The following TRIM26 variants were observed in gnomAD, a reference collection of about 807,000 sequenced individuals.
TRIM26 encodes the protein tripartite motif-containing protein 26.
A neutral mutation model predicts 45.5 loss-of-function variants in TRIM26; 16 were observed. That is an observed-to-expected ratio of 0.35 (90% CI 0.24 to 0.53). TRIM26 has a LOEUF of 0.53. Among genes scored for constraint, TRIM26 ranks in the 20% least tolerant of loss-of-function variants. The probability of loss-of-function intolerance (pLI) is 0.92; values close to 1 mark genes in which losing one functional copy is unlikely to be tolerated. For synonymous variants in TRIM26, 273 were observed against 290.4 expected (o/e 0.94, Z 0.61); for missense variants, 442 against 691.1 (o/e 0.64, Z 4.04).
chr6:30,189,216 A>G lies in TRIM26; in HGVS notation c.905-17T>C. 1 of 1,613,068 alleles carries G rather than the reference A, an allele frequency of 6.2e-7. No individual in the cohort carries two copies. The highest frequency in any genetic ancestry group is 8.5e-7 in the Non-Finnish European group (1 of 1,180,022). Reference sequence around the variant, plus strand: ...GCAGCTTCCCTGGGGAGAAAAAAGGACAGCAATGACTCAAGTCCCGAAAAT... The same window carrying G: ...GCAGCTTCCCTGGGGAGAAAAAAGGGCAGCAATGACTCAAGTCCCGAAAAT... On this transcript the variant is annotated splice_polypyrimidine_tract_variant and intron_variant, in intron 8 of 9. Coordinates refer to ENST00000454678, the MANE Select transcript of TRIM26 (RefSeq NM_003449.5). This position sits in a 1 kb window ranked among gnomAD's most constrained non-coding sequence, Gnocchi z 5.0.
intron 1 of TRIM26, among the ~76,000 whole-genome samples, chr6:30,212,250 A>G (rs572384636): frequency 6.6e-6 from 1 of 152,346 alleles, no homozygotes; most frequent in East Asian, 1.9e-4. Flanking sequence ...AAGGTCATCA[A>G]AACAAGTCTG....
chr6:30,191,404 TAAAA>T (rs5875241), intron 6 of TRIM26, among the ~76,000 whole-genome samples: 4 of 127,280 alleles, frequency 3.1e-5, no homozygotes, highest in Non-Finnish European at 3.3e-5. Flanking sequence ...TCAGAACAGT[TAAAA>T]AAAAAAAAAA....
Position 30,198,878 on chromosome 6 carries a change from C to G in TRIM26, c.226G>C (p.Glu76Gln), listed in dbSNP as rs905819453. The G allele has an allele frequency of 3.7e-6, 6 of 1,612,856 alleles. No homozygotes were observed. Among genetic ancestry groups the G allele is most frequent in the Non-Finnish European group, 5.1e-6 (6 of 1,179,972 alleles). Reference sequence around the variant, plus strand: ...TCCACCTTCAGCCGCTCAATGTTCTCCACCAGGCTGGCCAGTTGCCACACG... The same window carrying G: ...TCCACCTTCAGCCGCTCAATGTTCTGCACCAGGCTGGCCAGTTGCCACACG... ...RPVWQLASLV[E>Q]NIERLKVDKG... Residue 76 changes from glutamate to glutamine, a missense_variant, in exon 4 of 10, where the codon GAG becomes CAG. By Grantham distance (29) the Glu-to-Gln change is conservative. Coordinates refer to ENST00000454678, the MANE Select transcript of TRIM26 (RefSeq NM_003449.5). The surrounding 1 kb of genome is among the most constrained non-coding windows in gnomAD (Gnocchi z 6.3).
chr6:30,193,316 G>A (rs567406817), intron 6 of TRIM26, among the ~76,000 whole-genome samples: 9 of 149,472 alleles, frequency 6.0e-5, no homozygotes, highest in Non-Finnish European at 1.0e-4. Flanking sequence ...CGAGTAGCTG[G>A]GATTATAGGT....
At position 30,208,292 on chromosome 6, in the gene TRIM26, G is replaced by C. The variant is rs60172155; in HGVS notation, c.-375-3527C>G. ...ATTCCCTGTAGCAGCAAGAACAGTG[G>C]GCTGCACGTCACCAGCAAATCATCG... is the stretch of plus-strand genomic sequence containing the variant. On this transcript the variant is annotated intron_variant, in intron 1 of 9. Transcript: ENST00000454678. 8.3e-4 allele frequency among the ~76,000 whole-genome samples: 127 copies of C among 152,256 alleles called. 1 individual carries two copies. The highest frequency in any genetic ancestry group is 2.9e-3 in the African/African-American group (119 of 41,538).
intron 6 of TRIM26, among the ~76,000 whole-genome samples, chr6:30,194,882 C>T (rs912086971): frequency 3.3e-5 from 5 of 152,000 alleles, no homozygotes; most frequent in Non-Finnish European, 7.4e-5. Flanking sequence ...GGAGACAGAG[C>T]GAGACTCTGT....
At chr6:30,197,798 GA>G (rs1373550515) in intron 5 of TRIM26, among the ~76,000 whole-genome samples, 2 of 151,958 alleles carry the variant, frequency 1.3e-5, no homozygotes, top group South Asian at 2.1e-4. Flanking sequence ...ATAATGACAA[GA>G]AAAAAAATCT....
intron 6 of TRIM26, among the ~76,000 whole-genome samples, chr6:30,194,547 A>AT (rs1271205789): frequency 2.0e-5 from 3 of 152,208 alleles, no homozygotes. Flanking sequence ...ATTATATATT[A>AT]TATACTTGTA....
chr6:30,190,070 T>G lies in TRIM26; in HGVS notation c.766-35A>C. 1 of 1,611,668 alleles carries G rather than the reference T, an allele frequency of 6.2e-7. No individual in the cohort carries two copies. The highest frequency in any genetic ancestry group is 8.5e-7 in the Non-Finnish European group (1 of 1,178,996). ...AAAGAAAAAAGCACAAGTATCAATA[T>G]GAATCAAATAAGACTTCAATGCATC... On this transcript the variant is annotated intron_variant, in intron 6 of 9. Transcript: ENST00000454678. This position sits in a 1 kb window ranked among gnomAD's most constrained non-coding sequence, Gnocchi z 4.3.
chr6:30,203,120 T>A (rs1777370709), intron 2 of TRIM26, among the ~76,000 whole-genome samples: 2 of 150,224 alleles, frequency 1.3e-5, no homozygotes, highest in Non-Finnish European at 3.0e-5. Context: ...CTGGGCTCAC[T>A]GCAACCTCGG....
chr6:30,203,200 C>T (rs1296838191), intron 2 of TRIM26, among the ~76,000 whole-genome samples: 1 of 151,846 alleles, frequency 6.6e-6, no homozygotes, highest in Non-Finnish European at 1.5e-5. Flanking sequence ...CATACTACCA[C>T]ACTTGGCTAA....
In TRIM26 at chr6:30,193,182, A is replaced by ATATT. The variant is rs9280916; in HGVS notation, c.766-3148_766-3147insAATA. On this transcript the variant is annotated intron_variant, in intron 6 of 9. Transcript: ENST00000454678. Reference sequence around the variant, plus strand: ...TGTGTGTATATATATATATATATATATTTTTTTTTTTTTTTTTTTAATGGA... The same window carrying ATATT: ...TGTGTGTATATATATATATATATATATATTTTTTTTTTTTTTTTTTTTTAATGGA... 3.4e-3 allele frequency among the ~76,000 whole-genome samples: 132 copies of ATATT among 38,780 alleles called. 5 individuals carry two copies. The highest frequency in any genetic ancestry group is 0.011 in the African/African-American group (90 of 8,158). The allele number at this position is 38,780 out of a possible 152,430, so 25.4% of individuals were successfully genotyped here.
At chr6:30,203,046 CTTTTTTTT>C (rs9278610) in intron 2 of TRIM26, among the ~76,000 whole-genome samples, 1 of 132,838 alleles carries the variant, frequency 7.5e-6, no homozygotes, top group East Asian at 2.3e-4. Flanking sequence ...TCCTCTCTTT[CTTTTTTTT>C]TTTTTTTTTT....
chr6:30,203,049 T>C (rs937973433), intron 2 of TRIM26, among the ~76,000 whole-genome samples: 3 of 87,252 alleles, frequency 3.4e-5, no homozygotes, highest in African/African-American at 1.7e-4. Context: ...TCTCTTTCTT[T>C]TTTTTTTTTT....
Position 30,207,999 on chromosome 6 carries a change from T to C in TRIM26, c.-375-3234A>G, listed in dbSNP as rs757063793. 5.3e-5 allele frequency among the ~76,000 whole-genome samples: 8 copies of C among 152,208 alleles called. No homozygotes were observed. Among genetic ancestry groups the C allele is most frequent in the Non-Finnish European group, 8.8e-5 (6 of 68,036 alleles). On this transcript the variant is annotated intron_variant, in intron 1 of 9. Coordinates refer to ENST00000454678, the MANE Select transcript of TRIM26 (RefSeq NM_003449.5). The surrounding 1 kb of genome is among the most constrained non-coding windows in gnomAD (Gnocchi z 4.9). ...TTCTCTGCAGTTTTAAGTCCTGACTTATTAGTGTAATTACTCGCTTAACAC... is the reference window on the plus strand; with the variant it reads ...TTCTCTGCAGTTTTAAGTCCTGACTCATTAGTGTAATTACTCGCTTAACAC...
At chr6:30,194,570 T>C (rs1776265571) in intron 6 of TRIM26, among the ~76,000 whole-genome samples, 1 of 152,202 alleles carries the variant, frequency 6.6e-6, no homozygotes, top group Admixed American at 6.5e-5. Context: ...AAAGTATCAC[T>C]CTAGGCCAGG....
chr6:30,197,276 T>C (rs1776587258), intron 5 of TRIM26, among the ~76,000 whole-genome samples: 1 of 152,220 alleles, frequency 6.6e-6, no homozygotes, highest in Non-Finnish European at 1.5e-5. Context: ...CTATGTCCTT[T>C]CCTGCCTCCA....
chr6:30,195,159 C>A (rs1265056287), intron 6 of TRIM26, among the ~76,000 whole-genome samples: 3 of 152,128 alleles, frequency 2.0e-5, no homozygotes, highest in Non-Finnish European at 4.4e-5. Context: ...GGAAAAGGCA[C>A]CCCTCCGGGC....
Position 30,186,234 on chromosome 6 carries a change from T to G in TRIM26, c.1262A>C (p.Asp421Ala). 2 of 1,599,288 alleles carry G rather than the reference T, an allele frequency of 1.3e-6. No individual in the cohort carries two copies. The highest frequency in any genetic ancestry group is 2.7e-5 in the African/African-American group (2 of 74,438). ...ETDEDEESLG[D>A]EEEEEEEEEE... ...TTCCTCCTCCTCTTCTTCCTCTTCA[T>G]CGCCCAACGATTCCTCATCTTCGTC... The change falls in exon 10 of 10, where the codon GAT (aspartate) becomes GCT (alanine). Residue 421 changes from aspartate (D) to alanine (A), a missense_variant. Coordinates refer to ENST00000454678, the MANE Select transcript of TRIM26 (RefSeq NM_003449.5). This position sits in a 1 kb window ranked among gnomAD's most constrained non-coding sequence, Gnocchi z 7.4.
Sources: allele counts gnomAD v4.1 joint callset (sites outside exome capture counted in the v4.1 genomes callset), GRCh38; gene constraint gnomAD v4.1.1; non-coding constraint Gnocchi (gnomAD v3.1); transcripts MANE v1.5; gene names NCBI Gene and HGNC (gene_info 2026-07-23, HGNC 2026-07-21).